DEPDC1B: variants seen among roughly 807,000 people sequenced by gnomAD.
DEPDC1B encodes the protein DEP domain containing 1B.
A neutral mutation model predicts 66.5 loss-of-function variants in DEPDC1B; 51 were observed. That is an observed-to-expected ratio of 0.77 (90% CI 0.61 to 0.97). DEPDC1B has a LOEUF of 0.97. Among genes scored for constraint, DEPDC1B ranks in the 50% least tolerant of loss-of-function variants. DEPDC1B has a pLI of 0.00. For missense variants in DEPDC1B, 552 were observed against 637.1 expected, an observed-to-expected ratio of 0.87 and a Z score of 1.44; for synonymous variants, 226 against 223.6, an observed-to-expected ratio of 1.01 and a Z score of -0.10.
intron 2 of DEPDC1B, among the ~76,000 whole-genome samples, chr5:60,668,034 A>G (rs1172517329): frequency 9.1e-6 from 1 of 110,068 alleles, no homozygotes; most frequent in African/African-American, 4.2e-5. Flanking sequence ...TAAAATGGAT[A>G]TTTTATATAT....
At chr5:60,657,158 C>T (rs144360888) in intron 2 of DEPDC1B, among the ~76,000 whole-genome samples, 20 of 152,272 alleles carry the variant, frequency 1.3e-4, no homozygotes, top group African/African-American at 3.9e-4. Context: ...TTTTCTACCC[C>T]GTTACCTTTA....
chr5:60,638,653 T>C, intron 7 of DEPDC1B, 97 bp downstream of exon 7: 3 of 1,245,244 alleles, frequency 2.4e-6, no homozygotes, highest in Non-Finnish European at 3.3e-6. Flanking sequence ...ATTTTTAAAA[T>C]GGCATGAGTT....
Position 60,599,266 on chromosome 5 carries a change from G to T in DEPDC1B, c.1243-6C>A. ...TCAGCTCCTGGGTATTTTATCTGAG[G>T]CAAAAGGATTAGTAGTGAAAGAATA... On this transcript the variant is annotated splice_polypyrimidine_tract_variant and splice_region_variant and intron_variant, in intron 9 of 10. Coordinates refer to ENST00000265036, the MANE Select transcript of DEPDC1B (RefSeq NM_018369.3). 1 of 1,584,516 alleles carries T rather than the reference G, an allele frequency of 6.3e-7. No homozygotes were observed. Among genetic ancestry groups the T allele is most frequent in the Non-Finnish European group, 8.5e-7 (1 of 1,169,758 alleles).
chr5:60,606,515 G>A (rs286151), intron 7 of DEPDC1B, among the ~76,000 whole-genome samples: 8,005 of 142,984 alleles, frequency 0.056, 448 homozygotes, highest in African/African-American at 0.15. Context: ...GCTCACGCCT[G>A]TAATCTCAGC....
intron 1 of DEPDC1B, among the ~76,000 whole-genome samples, chr5:60,695,200 C>G (rs1476132121): frequency 2.6e-5 from 4 of 151,990 alleles, no homozygotes; most frequent in Non-Finnish European, 4.4e-5. Context: ...ATACCTGACA[C>G]TGGGTAATTT....
intron 1 of DEPDC1B, among the ~76,000 whole-genome samples, chr5:60,688,349 T>C (rs1584105299): frequency 6.6e-6 from 1 of 152,094 alleles, no homozygotes; most frequent in African/African-American, 2.4e-5. Context: ...CACTGAAAAG[T>C]AGACTGGGTA....
chr5:60,645,062 A>T (rs1315433331), intron 4 of DEPDC1B, among the ~76,000 whole-genome samples, 187 bp from the exon 5 acceptor site: 3 of 152,206 alleles, frequency 2.0e-5, no homozygotes, highest in Non-Finnish European at 4.4e-5. Context: ...TTTGCTATTA[A>T]CATTTTGCTT....
chr5:60,626,746 C>T lies in DEPDC1B; in HGVS notation c.898+12004G>A, dbSNP rs72755151. ...ATGTTATTCTACAATACAGATTTCA[C>T]ATCCAACATAAAGTTTCAAAAACAA... On this transcript the variant is annotated intron_variant, in intron 7 of 10. Transcript: ENST00000265036. 5.7e-3 allele frequency among the ~76,000 whole-genome samples: 861 copies of T among 152,200 alleles called. 7 individuals are homozygous for T. The highest frequency in any genetic ancestry group is 0.014 in the Middle Eastern group (4 of 292).
intron 2 of DEPDC1B, among the ~76,000 whole-genome samples, chr5:60,680,949 C>G (rs1016118079): frequency 2.6e-5 from 4 of 152,170 alleles, no homozygotes; most frequent in African/African-American, 9.7e-5. Context: ...TCTACCACTA[C>G]CTGGATTACT....
chr5:60,618,965 G>C (rs563318511), intron 7 of DEPDC1B, among the ~76,000 whole-genome samples: 1 of 152,294 alleles, frequency 6.6e-6, no homozygotes, highest in East Asian at 1.9e-4. Context: ...TCATCCCTGG[G>C]ATGCAAGGCT....
chr5:60,623,288 A>G (rs1298242526), intron 7 of DEPDC1B, among the ~76,000 whole-genome samples: 1 of 152,178 alleles, frequency 6.6e-6, no homozygotes, highest in African/African-American at 2.4e-5. Flanking sequence ...CTACAGATAC[A>G]TGAATCTACT....
Position 60,667,514 on chromosome 5 carries a change from C to A in DEPDC1B, c.314+19448G>T, listed in dbSNP as rs376557814. 4.8e-4 allele frequency among the ~76,000 whole-genome samples: 30 copies of A among 62,276 alleles called. No individual in the cohort carries two copies. In the East Asian group the frequency reaches 5.6e-3, roughly 12 times the overall value. The allele number at this position is 62,276 out of a possible 152,430, so 40.9% of individuals were successfully genotyped here. A position where few individuals can be genotyped will look rare whatever the true frequency, so the allele number is the denominator to read the frequency against. ...AAAAAATGGATATTTTACATATATA[C>A]AAAAAATGGATATTTTACATATATA... On this transcript the variant is annotated intron_variant, in intron 2 of 10. Transcript: ENST00000265036.
At chr5:60,686,222 G>A (rs756398924) in intron 2 of DEPDC1B, among the ~76,000 whole-genome samples, 25 of 152,126 alleles carry the variant, frequency 1.6e-4, no homozygotes, top group Non-Finnish European at 2.5e-4. Context: ...ACGTAATAAG[G>A]GTCCATATTC....
intron 2 of DEPDC1B, among the ~76,000 whole-genome samples, chr5:60,667,258 A>G (rs1300532705): frequency 1.3e-5 from 2 of 152,116 alleles, no homozygotes; most frequent in Non-Finnish European, 2.9e-5. Context: ...CATTAAAATT[A>G]AGAACTTTTC....
At chr5:60,618,307 TAG>T (rs1228592387) in intron 7 of DEPDC1B, among the ~76,000 whole-genome samples, 1 of 151,874 alleles carries the variant, frequency 6.6e-6, no homozygotes, top group African/African-American at 2.4e-5. Flanking sequence ...CTGAAGGAAA[TAG>T]AGACACAAAA....
At chr5:60,696,014 G>T (rs1754646293) in intron 1 of DEPDC1B, among the ~76,000 whole-genome samples, 1 of 152,122 alleles carries the variant, frequency 6.6e-6, no homozygotes, top group South Asian at 2.1e-4. Flanking sequence ...GGCCAGGATG[G>T]TCTTGATCTC....
chr5:60,667,236 T>C (rs1753862519), intron 2 of DEPDC1B, among the ~76,000 whole-genome samples: 1 of 152,052 alleles, frequency 6.6e-6, no homozygotes, highest in Non-Finnish European at 1.5e-5. Context: ...AAAAGACTGA[T>C]AGATTCAACT....
At chr5:60,638,600 A>G (rs1344873970) in intron 7 of DEPDC1B, 150 bp downstream of exon 7, 3 of 727,512 alleles carry the variant, frequency 4.1e-6, no homozygotes, top group Non-Finnish European at 4.1e-6. Flanking sequence ...TCACAGAGCA[A>G]CAGAGCAAGA....
intron 2 of DEPDC1B, among the ~76,000 whole-genome samples, chr5:60,654,616 A>C (rs1338107900): frequency 6.7e-6 from 1 of 148,560 alleles, no homozygotes; most frequent in Non-Finnish European, 1.5e-5. Context: ...GGATGCCTTT[A>C]TTTCTTTCTC....
Sources: allele counts gnomAD v4.1 joint callset (sites outside exome capture counted in the v4.1 genomes callset), GRCh38; gene constraint gnomAD v4.1.1; transcripts MANE v1.5; gene names NCBI Gene and HGNC (gene_info 2026-07-23, HGNC 2026-07-21).